Variants in FOXP2 observed in about 807,000 individuals in gnomAD.
FOXP2 encodes the protein forkhead box P2, also known as forkhead box protein P2.
Under a neutral mutation model 115.8 loss-of-function variants are expected in FOXP2, and 12 were observed. The observed-to-expected ratio is 0.10, with a 90% CI of 0.07 to 0.17. The LOEUF (loss-of-function observed/expected upper bound fraction) is 0.17. Among genes scored for constraint, FOXP2 ranks in the 10% least tolerant of loss-of-function variants. The probability of loss-of-function intolerance (pLI) is 1.00; values close to 1 mark genes in which losing one functional copy is unlikely to be tolerated. For missense variants in FOXP2, 629 were observed against 843.5 expected, an observed-to-expected ratio of 0.75 and a Z score of 3.15; for synonymous variants, 328 against 297.7, an observed-to-expected ratio of 1.10 and a Z score of -1.05.
chr7:114,483,161 T>G (rs1163682242), intron 2 of FOXP2, among the ~76,000 whole-genome samples: 3 of 151,532 alleles, frequency 2.0e-5, no homozygotes, highest in Non-Finnish European at 4.4e-5. Context: ...CATCCTGTAT[T>G]TCTTTCTCAC....
chr7:114,484,812 A>G (rs1276773869), intron 2 of FOXP2, among the ~76,000 whole-genome samples: 1 of 151,920 alleles, frequency 6.6e-6, no homozygotes, highest in East Asian at 1.9e-4. Flanking sequence ...AAATAACAAA[A>G]TCATTATCTA....
chr7:114,269,832 A>T (rs972576371), intron 1 of FOXP2, among the ~76,000 whole-genome samples: 1 of 152,104 alleles, frequency 6.6e-6, no homozygotes, highest in Non-Finnish European at 1.5e-5. Flanking sequence ...TGTATCAAAG[A>T]TTACTTCATT....
intron 1 of FOXP2, among the ~76,000 whole-genome samples, chr7:114,109,457 A>G (rs1263938622): frequency 1.3e-5 from 2 of 152,084 alleles, no homozygotes; most frequent in African/African-American, 2.4e-5. Context: ...GTATGTCGAA[A>G]TACAAACAGT....
chr7:114,421,568 A>G (rs1793623411), intron 1 of FOXP2, among the ~76,000 whole-genome samples: 1 of 151,674 alleles, frequency 6.6e-6, no homozygotes. Context: ...AGTAAAAAGT[A>G]GTAACAAATA....
chr7:114,135,865 A>G (rs1404619143), intron 1 of FOXP2, among the ~76,000 whole-genome samples: 1 of 152,054 alleles, frequency 6.6e-6, no homozygotes, highest in African/African-American at 2.4e-5. Flanking sequence ...CCTAGTTCTC[A>G]CCCTGAAGGA....
At chr7:114,527,601 C>G (rs112471338) in intron 2 of FOXP2, among the ~76,000 whole-genome samples, 19 of 152,230 alleles carry the variant, frequency 1.2e-4, no homozygotes, top group African/African-American at 4.3e-4. Context: ...TCACCCTCAA[C>G]CTAGAGCTCT....
At position 114,509,260 on chromosome 7, in the gene FOXP2, T is replaced by G. The variant is rs527987270; in HGVS notation, c.169-25357T>G. Among the ~76,000 whole-genome samples the G allele has an allele frequency of 1.4e-3, 209 of 151,784 alleles. 1 individual carries two copies. The highest frequency in any genetic ancestry group is 0.01 in the Middle Eastern group (3 of 294). ...AGGAAATCAACATGATGTGGTTTAATGGTTTTTTTGTTTGTTTGTTTTTTG... is the reference window on the plus strand; with the variant it reads ...AGGAAATCAACATGATGTGGTTTAAGGGTTTTTTTGTTTGTTTGTTTTTTG... On this transcript the variant is annotated intron_variant, in intron 2 of 16. Coordinates refer to ENST00000350908, the MANE Select transcript of FOXP2 (RefSeq NM_014491.4).
intron 1 of FOXP2, among the ~76,000 whole-genome samples, chr7:114,423,315 A>G (rs954853433): frequency 6.6e-6 from 1 of 151,726 alleles, no homozygotes; most frequent in African/African-American, 2.4e-5. Flanking sequence ...TGTCAGTTTA[A>G]TGTTTCAAAA....
intron 1 of FOXP2, among the ~76,000 whole-genome samples, chr7:114,257,614 C>G (rs896952857): frequency 2.7e-5 from 4 of 150,852 alleles, no homozygotes; most frequent in Non-Finnish European, 4.4e-5. Context: ...CCACCATGCC[C>G]GGCTAGTTTT....
chr7:114,110,408 A>G (rs1247075569), intron 1 of FOXP2, among the ~76,000 whole-genome samples: 1 of 152,190 alleles, frequency 6.6e-6, no homozygotes, highest in African/African-American at 2.4e-5. Flanking sequence ...TATTCAACTC[A>G]TCTTTAAATT....
At chr7:114,389,871 A>C (rs1312518419) in intron 2 of FOXP2, among the ~76,000 whole-genome samples, 1 of 151,966 alleles carries the variant, frequency 6.6e-6, no homozygotes, top group Non-Finnish European at 1.5e-5. Flanking sequence ...TAAAAATACA[A>C]AAATTAGTTG....
chr7:114,577,063 G>A (rs746052724), intron 3 of FOXP2, among the ~76,000 whole-genome samples: 1 of 150,022 alleles, frequency 6.7e-6, no homozygotes, highest in Non-Finnish European at 1.5e-5. Context: ...ACATGTTTTA[G>A]ATTTGTAATT....
rs543411204 is a variant in FOXP2 at position 114,113,433 on chromosome 7, G to A, written c.-247+25595G>A. On this transcript the variant is annotated intron_variant, in intron 1 of 19. Transcript: ENST00000635638. Reference sequence around the variant, plus strand: ...TTCTCACTCTGTCACTCAGGCTGGAGGGCAGTTGTGCCATTATAGCTCACT... The same window carrying A: ...TTCTCACTCTGTCACTCAGGCTGGAAGGCAGTTGTGCCATTATAGCTCACT... 1.9e-3 allele frequency among the ~76,000 whole-genome samples: 296 copies of A among 152,222 alleles called. 1 individual carries two copies. The highest frequency in any genetic ancestry group is 3.3e-3 in the Non-Finnish European group (226 of 68,006).
chr7:114,692,210 A>G lies in FOXP2; in HGVS notation c.*2284A>G, dbSNP rs975720825. ...CTTTGAGGGACTGGAAGTAACTGCGAGAGTTGTACCATCAGAAGGGTGGCC... is the reference window on the plus strand; with the variant it reads ...CTTTGAGGGACTGGAAGTAACTGCGGGAGTTGTACCATCAGAAGGGTGGCC... On this transcript the variant is annotated 3_prime_UTR_variant, in exon 17 of 17. Coordinates refer to ENST00000350908, the MANE Select transcript of FOXP2 (RefSeq NM_014491.4). 1.1e-5 allele frequency: 5 copies of G among 453,886 alleles called. No individual in the cohort carries two copies. The highest frequency in any genetic ancestry group is 2.2e-5 in the Non-Finnish European group (5 of 226,736). 28.1% of individuals were successfully genotyped at this position (453,886 alleles called of 1,614,324 possible).
At position 114,456,586 on chromosome 7, in the gene FOXP2, A is replaced by C. The variant is rs191112366; in HGVS notation, c.168+29907A>C. Among the ~76,000 whole-genome samples, 10 of 152,360 alleles carry C rather than the reference A, an allele frequency of 6.6e-5. No homozygotes were observed. The East Asian group carries it at 1.9e-3, about 29-fold the overall frequency. ...CATTGCAGATTTTCAATACACATTT[A>C]AAAACATTTCTATTTAAATAGACTA... On this transcript the variant is annotated intron_variant, in intron 2 of 16. Coordinates refer to ENST00000350908, the MANE Select transcript of FOXP2 (RefSeq NM_014491.4).
At chr7:114,529,070 T>C (rs987764772) in intron 2 of FOXP2, among the ~76,000 whole-genome samples, 1 of 151,910 alleles carries the variant, frequency 6.6e-6, no homozygotes, top group Non-Finnish European at 1.5e-5. Context: ...ATTAGCAATT[T>C]ATTACCATTA....
At chr7:114,191,724 C>T (rs1297047757) in intron 1 of FOXP2, among the ~76,000 whole-genome samples, 1 of 152,154 alleles carries the variant, frequency 6.6e-6, no homozygotes, top group African/African-American at 2.4e-5. Flanking sequence ...TAACACCTTG[C>T]ATTAGGTACA....
intron 1 of FOXP2, among the ~76,000 whole-genome samples, chr7:114,088,489 C>T (rs1799473378): frequency 1.3e-5 from 2 of 152,228 alleles, no homozygotes; most frequent in African/African-American, 2.4e-5. Flanking sequence ...CGTTTTCCAA[C>T]TGGAAGTACT....
chr7:114,536,040 T>C (rs1222123738), intron 3 of FOXP2, among the ~76,000 whole-genome samples: 2 of 151,562 alleles, frequency 1.3e-5, no homozygotes, highest in African/African-American at 4.8e-5. Flanking sequence ...TCTGATTGCA[T>C]GAGAGTCTCT....
Sources: allele counts gnomAD v4.1 joint callset (sites outside exome capture counted in the v4.1 genomes callset), GRCh38; gene constraint gnomAD v4.1.1; transcripts MANE v1.5; gene names NCBI Gene and HGNC (gene_info 2026-07-23, HGNC 2026-07-21).